Variants in GALNT8 observed in about 807,000 individuals in gnomAD.
GALNT8 encodes the protein probable polypeptide N-acetylgalactosaminyltransferase 8.
In GALNT8, 66 loss-of-function variants were observed where a neutral mutation model predicts 62.7. That is an observed-to-expected ratio of 1.05 (90% confidence interval 0.86 to 1.29). The LOEUF is 1.29. Among genes scored for constraint, GALNT8 ranks in the 50% most tolerant of loss-of-function variants. The pLI is 0.00. For synonymous variants in GALNT8, 288 were observed against 294.3 expected (o/e 0.98, Z 0.22); for missense variants, 771 against 791.8 (o/e 0.97, Z 0.32).
rs929693777 is a variant in GALNT8 at position 4,739,206 on chromosome 12, G to A, written c.553G>A (p.Val185Ile). 1.9e-6 allele frequency: 3 copies of A among 1,611,492 alleles called. No homozygotes were observed. Among genetic ancestry groups the A allele is most frequent in the Non-Finnish European group, 2.5e-6 (3 of 1,177,712 alleles). ...TYPSQLPSLS[V>I]ILIFVNEALS... ...TCCTTCCCAACTCCCATCCCTCAGT[G>A]TCATTCTCATATTCGTGAATGAAGC... The change falls in exon 3 of 11, where the codon GTC becomes ATC. Residue 185 changes from valine (V) to isoleucine (I), a missense_variant. Transcript: ENST00000252318.
At chr12:4,759,821 G>A (rs987800884) in intron 6 of GALNT8, among the ~76,000 whole-genome samples, 8 of 152,086 alleles carry the variant, frequency 5.3e-5, no homozygotes, top group South Asian at 2.1e-4. Flanking sequence ...TTAGGCAACC[G>A]TGAAGAGAAG....
chr12:4,746,018 A>C (rs868241494), intron 5 of GALNT8, 126 bp from the exon 6 acceptor site: 77 of 634,718 alleles, frequency 1.2e-4, no homozygotes, highest in Non-Finnish European at 4.6e-5. Context: ...CTGAGAGTTT[A>C]GGGAAGGCCT....
At chr12:4,746,003 C>T in intron 5 of GALNT8, 141 bp from the exon 6 acceptor site, 2 of 622,624 alleles carry the variant, frequency 3.2e-6, no homozygotes, top group East Asian at 5.5e-5. Flanking sequence ...TGCACTTAGT[C>T]TTGCCTGAGA....
chr12:4,763,884 C>T, intron 8 of GALNT8, 68 bp from the exon 9 acceptor site: 1 of 838,452 alleles, frequency 1.2e-6, no homozygotes, highest in Non-Finnish European at 2.1e-6. Context: ...AAATGTAGGC[C>T]CTGGGAGGGA....
chr12:4,728,737 A>G (rs1946207491), intron 2 of GALNT8, among the ~76,000 whole-genome samples: 2 of 152,178 alleles, frequency 1.3e-5, no homozygotes, highest in African/African-American at 4.8e-5. Flanking sequence ...TATGCCAGGA[A>G]CACATTGTCT....
intron 8 of GALNT8, among the ~76,000 whole-genome samples, 179 bp from the exon 9 acceptor site, chr12:4,763,773 C>T (rs1297808140): frequency 6.6e-6 from 1 of 152,220 alleles, no homozygotes; most frequent in African/African-American, 2.4e-5. Flanking sequence ...CGCCTCCCTT[C>T]GGCGCTGGTC....
intron 2 of GALNT8, 81 bp from the exon 3 acceptor site, chr12:4,739,082 T>C (rs1472090083): frequency 4.6e-6 from 4 of 861,688 alleles, no homozygotes; most frequent in African/African-American, 1.7e-5. Flanking sequence ...TATAACATCA[T>C]ACAGAGTGAA....
chr12:4,733,782 C>A (rs1419266914), intron 2 of GALNT8, among the ~76,000 whole-genome samples: 1 of 152,166 alleles, frequency 6.6e-6, no homozygotes, highest in South Asian at 2.1e-4. Context: ...TATCCACTTA[C>A]GAATTCGCCA....
intron 10 of GALNT8, among the ~76,000 whole-genome samples, chr12:4,771,244 A>G (rs1946422899): frequency 6.6e-6 from 1 of 152,240 alleles, no homozygotes; most frequent in South Asian, 2.1e-4. Context: ...AGGCCTGCTC[A>G]GTTGGCAGAC....
chr12:4,753,902 C>T (rs1242434671), intron 6 of GALNT8, among the ~76,000 whole-genome samples: 1 of 152,168 alleles, frequency 6.6e-6, no homozygotes, highest in East Asian at 1.9e-4. Flanking sequence ...GGGGGCACCC[C>T]AAGCCCAGTA....
At chr12:4,748,582 G>A (rs962260926) in intron 6 of GALNT8, among the ~76,000 whole-genome samples, 2 of 151,956 alleles carry the variant, frequency 1.3e-5, no homozygotes, top group South Asian at 2.1e-4. Context: ...TGGTCTATGT[G>A]TCTGTTTTTA....
intron 7 of GALNT8, among the ~76,000 whole-genome samples, chr12:4,762,208 C>T (rs1946376440): frequency 6.6e-6 from 1 of 152,180 alleles, no homozygotes; most frequent in Admixed American, 6.5e-5. Context: ...CCCTCCAGGA[C>T]ATCCCTAGCT....
At chr12:4,765,684 T>C in intron 10 of GALNT8, 138 bp downstream of exon 10, 1 of 624,120 alleles carries the variant, frequency 1.6e-6, no homozygotes, top group Non-Finnish European at 2.7e-6. Context: ...GAGATTTGGG[T>C]TGGCTGTGAG....
chr12:4,761,719 C>A (rs1378386726), intron 7 of GALNT8, among the ~76,000 whole-genome samples: 1 of 152,112 alleles, frequency 6.6e-6, no homozygotes, highest in Non-Finnish European at 1.5e-5. Flanking sequence ...CCCCTGCACC[C>A]AGCCAAGGTT....
At chr12:4,732,599 T>A (rs552266965) in intron 2 of GALNT8, among the ~76,000 whole-genome samples, 9 of 86,812 alleles carry the variant, frequency 1.0e-4, no homozygotes, top group Non-Finnish European at 1.7e-4. Context: ...TTCAATATGA[T>A]AGCTACTAGT....
At chr12:4,734,322 A>G (rs909661739) in intron 2 of GALNT8, among the ~76,000 whole-genome samples, 1 of 152,176 alleles carries the variant, frequency 6.6e-6, no homozygotes, top group Non-Finnish European at 1.5e-5. Flanking sequence ...ACCCTCTTAC[A>G]GCATTGGTAT....
At chr12:4,733,371 C>A (rs1424254197) in intron 2 of GALNT8, among the ~76,000 whole-genome samples, 2 of 152,110 alleles carry the variant, frequency 1.3e-5, no homozygotes, top group African/African-American at 4.8e-5. Flanking sequence ...GGCACATTTC[C>A]TACCTCTTTT....
chr12:4,747,235 T>C (rs1395994896), intron 6 of GALNT8, among the ~76,000 whole-genome samples: 1 of 152,180 alleles, frequency 6.6e-6, no homozygotes, highest in African/African-American at 2.4e-5. Flanking sequence ...TATATTCTTT[T>C]AGTTATTTTA....
chr12:4,734,145 C>G (rs1406148698), intron 2 of GALNT8, among the ~76,000 whole-genome samples: 2 of 152,144 alleles, frequency 1.3e-5, no homozygotes, highest in Admixed American at 1.3e-4. Flanking sequence ...TACTCCTTCT[C>G]CTCCTACTAT....
Sources: allele counts gnomAD v4.1 joint callset (sites outside exome capture counted in the v4.1 genomes callset), GRCh38; gene constraint gnomAD v4.1.1; transcripts MANE v1.5; gene names NCBI Gene and HGNC (gene_info 2026-07-23, HGNC 2026-07-21).